Variants in ETV6 observed in about 807,000 individuals in gnomAD.
The protein encoded by ETV6 is transcription factor ETV6.
A neutral mutation model predicts 51.1 loss-of-function variants in ETV6; 16 were observed. That is an observed-to-expected ratio of 0.31 (90% confidence interval 0.21 to 0.48). The LOEUF (loss-of-function observed/expected upper bound fraction) is 0.48, where lower values mean the gene tolerates loss of function less well. Among genes scored for constraint, ETV6 ranks in the 20% least tolerant of loss-of-function variants. The pLI is 0.99. For synonymous variants in ETV6, 240 were observed against 224.1 expected (o/e 1.07, Z -0.64); for missense variants, 458 against 594.8 (o/e 0.77, Z 2.39).
At chr12:11,712,536 A>G (rs1399620152) in intron 1 of ETV6, among the ~76,000 whole-genome samples, 1 of 152,156 alleles carries the variant, frequency 6.6e-6, no homozygotes, top group African/African-American at 2.4e-5. Context: ...CCAATAGGAG[A>G]TCCACATCGC....
chr12:11,654,600 G>C (rs566590451), intron 1 of ETV6, among the ~76,000 whole-genome samples: 26 of 126,732 alleles, frequency 2.1e-4, no homozygotes, highest in Admixed American at 1.7e-3. Flanking sequence ...GGTATGTGGG[G>C]GTAGAAATGG....
chr12:11,662,920 T>G (rs1277781443), intron 1 of ETV6, among the ~76,000 whole-genome samples: 1 of 152,188 alleles, frequency 6.6e-6, no homozygotes, highest in Non-Finnish European at 1.5e-5. Context: ...AGATTGTGCT[T>G]CTTTGAGAAA....
At chr12:11,815,466 A>G (rs191062117) in intron 2 of ETV6, among the ~76,000 whole-genome samples, 29 of 152,306 alleles carry the variant, frequency 1.9e-4, no homozygotes, top group Non-Finnish European at 3.7e-4. Context: ...GGTGCATTAG[A>G]CAAGCCCTGG....
chr12:11,728,249 T>C (rs992258424), intron 1 of ETV6, among the ~76,000 whole-genome samples: 2 of 152,190 alleles, frequency 1.3e-5, no homozygotes, highest in African/African-American at 4.8e-5. Context: ...ACAGGTGGAT[T>C]ATGCAGTGAC....
At chr12:11,725,730 T>C (rs768105891) in intron 1 of ETV6, among the ~76,000 whole-genome samples, 1 of 152,158 alleles carries the variant, frequency 6.6e-6, no homozygotes, top group Non-Finnish European at 1.5e-5. Context: ...GAGTTCTCGC[T>C]CTGTTAGTTC....
intron 2 of ETV6, among the ~76,000 whole-genome samples, chr12:11,791,141 G>A (rs544246140): frequency 9.9e-5 from 15 of 152,212 alleles, no homozygotes; most frequent in East Asian, 3.9e-4. Flanking sequence ...TTAGAATTCC[G>A]CTTTCTTGGG....
rs1459845201 is a variant in ETV6, at chr12:11,893,832, A to T, written c.*2786A>T. ...TATATATATATATATATATATATAT[A>T]TATATATATACACACACACACACAT... On this transcript the variant is annotated 3_prime_UTR_variant, in exon 8 of 8. Transcript: ENST00000396373. 19 of 88,790 alleles carry T rather than the reference A, an allele frequency of 2.1e-4. No homozygotes were observed. The highest frequency in any genetic ancestry group is 8.6e-4 in the African/African-American group (17 of 19,826). 5.5% of individuals were successfully genotyped at this position (88,790 alleles called of 1,614,324 possible). A position where few individuals can be genotyped will look rare whatever the true frequency, so the allele number is the denominator to read the frequency against.
chr12:11,760,427 G>A (rs927904447), intron 2 of ETV6, among the ~76,000 whole-genome samples: 3 of 152,144 alleles, frequency 2.0e-5, no homozygotes, highest in Non-Finnish European at 2.9e-5. Flanking sequence ...ACAGGGCTAC[G>A]CAGTGAATAC....
intron 2 of ETV6, among the ~76,000 whole-genome samples, chr12:11,773,011 GGT>G: frequency 6.6e-6 from 1 of 152,016 alleles, no homozygotes; most frequent in South Asian, 2.1e-4. Context: ...TGGCTAACAT[GGT>G]GAAAGCCCGT....
chr12:11,689,877 G>C (rs1034332090), intron 1 of ETV6, among the ~76,000 whole-genome samples: 1 of 135,886 alleles, frequency 7.4e-6, no homozygotes, highest in East Asian at 2.1e-4. Context: ...CAGGGCATAC[G>C]GTCCAGACCC....
intron 5 of ETV6, among the ~76,000 whole-genome samples, chr12:11,875,655 G>T (rs563808983): frequency 6.6e-6 from 1 of 152,278 alleles, no homozygotes; most frequent in East Asian, 1.9e-4. Context: ...ACAGGTGAAG[G>T]AACTGAGATT....
In ETV6 at chr12:11,869,601, CG is replaced by C. The variant is rs1446456278; in HGVS notation, c.643del (p.Ala215LeufsTer51). ...GACAACATGATCCGCCGCCTCTCCCCGGCTGAGAGAGCTCAGGGACCCAGGC... is the reference window on the plus strand; with the variant it reads ...GACAACATGATCCGCCGCCTCTCCCCGCTGAGAGAGCTCAGGGACCCAGGC... ...PLDNMIRRLS[P>X]AERAQGPRPH... is the part of the protein sequence containing the mutation. On this transcript the variant is annotated frameshift_variant, in exon 5 of 8. Transcript: ENST00000396373. LOFTEE classifies it high-confidence loss of function. The surrounding 1 kb of genome is among the most constrained non-coding windows in gnomAD (Gnocchi z 5.0). 1 of 1,614,066 alleles carries C rather than the reference CG, an allele frequency of 6.2e-7. No homozygotes were observed. The highest frequency in any genetic ancestry group is 8.5e-7 in the Non-Finnish European group (1 of 1,180,044).
chr12:11,844,067 G>A (rs1946427416), intron 3 of ETV6, among the ~76,000 whole-genome samples: 1 of 151,696 alleles, frequency 6.6e-6, no homozygotes, highest in South Asian at 2.1e-4. Flanking sequence ...ATTCAGAGAG[G>A]TATTTGAGTA....
At chr12:11,687,952 C>G (rs1252301715) in intron 1 of ETV6, among the ~76,000 whole-genome samples, 1 of 152,236 alleles carries the variant, frequency 6.6e-6, no homozygotes, top group Non-Finnish European at 1.5e-5. Flanking sequence ...CTGATCAAGT[C>G]TCTTACAGGT....
At chr12:11,740,421 A>G (rs10491989) in intron 1 of ETV6, among the ~76,000 whole-genome samples, 7,802 of 152,262 alleles carry the variant, frequency 0.051, 646 homozygotes, top group African/African-American at 0.18. Context: ...TGAAGCCCCT[A>G]GTAAGACTTG....
intron 2 of ETV6, among the ~76,000 whole-genome samples, chr12:11,810,444 T>A (rs1945896879): frequency 6.6e-6 from 1 of 152,178 alleles, no homozygotes; most frequent in Non-Finnish European, 1.5e-5. Flanking sequence ...GGAGGGTGCA[T>A]GTGTGAGTAC....
chr12:11,853,313 G>T (rs935337359), intron 3 of ETV6, 114 bp from the exon 4 acceptor site: 2 of 1,237,614 alleles, frequency 1.6e-6, no homozygotes, highest in African/African-American at 1.5e-5. Context: ...GAGGTGGCAG[G>T]TGCGCTCCAA....
chr12:11,827,856 G>A (rs1053252599), intron 2 of ETV6, among the ~76,000 whole-genome samples: 1 of 152,180 alleles, frequency 6.6e-6, no homozygotes, highest in Non-Finnish European at 1.5e-5. Flanking sequence ...GGAGGGGAAA[G>A]AATTTTCATC....
At chr12:11,668,588 T>C (rs184577698) in intron 1 of ETV6, among the ~76,000 whole-genome samples, 9 of 152,310 alleles carry the variant, frequency 5.9e-5, no homozygotes, top group African/African-American at 2.2e-4. Context: ...AAGGGTCTTT[T>C]CTGAACTTCT....
Sources: allele counts gnomAD v4.1 joint callset (sites outside exome capture counted in the v4.1 genomes callset), GRCh38; gene constraint gnomAD v4.1.1; non-coding constraint Gnocchi (gnomAD v3.1); transcripts MANE v1.5; gene names NCBI Gene and HGNC (gene_info 2026-07-23, HGNC 2026-07-21).